WWOX: variants seen among roughly 807,000 people sequenced by gnomAD.
The protein encoded by WWOX is WW domain-containing oxidoreductase.
In WWOX, 69 loss-of-function variants were observed where a neutral mutation model predicts 46.2. The observed-to-expected ratio is 1.49, with a 90% CI of 1.23 to 1.82. WWOX has a LOEUF of 1.82. Among genes scored for constraint, WWOX ranks in the 40% most tolerant of loss-of-function variants. WWOX has a pLI of 0.00. For synonymous variants in WWOX, 359 were observed against 202.6 expected, an observed-to-expected ratio of 1.77 and a Z score of -6.56; for missense variants, 919 against 542.6, an observed-to-expected ratio of 1.69 and a Z score of -6.89.
intron 8 of WWOX, among the ~76,000 whole-genome samples, chr16:78,457,972 G>A (rs2083862341): frequency 6.7e-6 from 1 of 150,068 alleles, no homozygotes; most frequent in African/African-American, 2.5e-5. Context: ...CAGCTATCCA[G>A]AGGCTGAGGC....
chr16:78,432,640 G>C lies in WWOX; in HGVS notation c.944G>C (p.Gly315Ala), dbSNP rs530883793. 1.2e-6 allele frequency: 2 copies of C among 1,614,170 alleles called. No homozygotes were observed. The highest frequency in any genetic ancestry group is 1.7e-6 in the Non-Finnish European group (2 of 1,180,046). Residue 315 changes from glycine (G) to alanine (A), a missense_variant, in exon 8 of 9, where the codon GGG (glycine) becomes GCG (alanine). Gly to Ala is a moderately conservative substitution (Grantham distance 60). Transcript: ENST00000566780. ...CTGCACCGTCGCCTCTCCCCACGCG[G>C]GGTCACGTCGAACGCAGTGCATCCT... The part of the protein sequence containing the change: ...NELHRRLSPR[G>A]VTSNAVHPGN...
chr16:78,287,403 A>C (rs2079786754), intron 5 of WWOX, among the ~76,000 whole-genome samples: 1 of 152,176 alleles, frequency 6.6e-6, no homozygotes. Flanking sequence ...GAGTTTTGGC[A>C]AATAGAAAAT....
At chr16:78,486,096 G>T (rs1004937689) in intron 8 of WWOX, among the ~76,000 whole-genome samples, 12 of 152,154 alleles carry the variant, frequency 7.9e-5, no homozygotes, top group Non-Finnish European at 1.3e-4. Context: ...TATGTGAGGG[G>T]GTGTGTGGTG....
chr16:79,166,912 A>T (rs963401895), intron 8 of WWOX, among the ~76,000 whole-genome samples: 3 of 151,952 alleles, frequency 2.0e-5, no homozygotes, highest in African/African-American at 7.3e-5. Context: ...AGTATACAAC[A>T]CTCGGTAAAT....
intron 5 of WWOX, among the ~76,000 whole-genome samples, chr16:78,178,728 T>G (rs2035430865): frequency 6.6e-6 from 1 of 152,004 alleles, no homozygotes; most frequent in South Asian, 2.1e-4. Flanking sequence ...GCCAGTTGTC[T>G]TGGCGCATGG....
intron 8 of WWOX, among the ~76,000 whole-genome samples, chr16:78,721,216 C>G (rs995381210): frequency 2.0e-5 from 3 of 150,422 alleles, no homozygotes; most frequent in Admixed American, 6.7e-5. Context: ...TCTACAGTAT[C>G]TTTAATTGAT....
At position 79,191,386 on chromosome 16, in the gene WWOX, ACCG is replaced by A. The variant is rs2051133651; in HGVS notation, c.1057-20221_1057-20219del. On this transcript the variant is annotated intron_variant, in intron 8 of 8. Coordinates refer to ENST00000566780, the MANE Select transcript of WWOX (RefSeq NM_016373.4). ...CTTCTCTTTATGGGAGAGAAAGGCC[ACCG>A]AGATAGTAAGTGGACATCAGGACAT... Among the ~76,000 whole-genome samples, 5 of 152,184 alleles carry A rather than the reference ACCG, an allele frequency of 3.3e-5. No homozygotes were observed. The South Asian group carries it at 1.0e-3, about 32-fold the overall frequency.
rs77323415 is a variant in WWOX at position 78,181,971 on chromosome 16, G to T, written c.516+17682G>T. Among the ~76,000 whole-genome samples the T allele has an allele frequency of 5.1e-3, 772 of 152,200 alleles. 6 individuals are homozygous for T. The highest frequency in any genetic ancestry group is 0.018 in the African/African-American group (737 of 41,520). Reference sequence around the variant, plus strand: ...TTTAGCCTCCGCGAGTTCCTTTTCCGCACCAGGCTCCACTTACGAAGGACT... The same window carrying T: ...TTTAGCCTCCGCGAGTTCCTTTTCCTCACCAGGCTCCACTTACGAAGGACT... On this transcript the variant is annotated intron_variant, in intron 5 of 8. Transcript: ENST00000566780.
At chr16:79,131,921 A>T (rs2049886208) in intron 8 of WWOX, among the ~76,000 whole-genome samples, 1 of 152,178 alleles carries the variant, frequency 6.6e-6, no homozygotes, top group African/African-American at 2.4e-5. Context: ...GAGCTTGTTC[A>T]GGGAAACCCC....
At chr16:78,455,778 G>T (rs79469797) in intron 8 of WWOX, among the ~76,000 whole-genome samples, 1 of 144,872 alleles carries the variant, frequency 6.9e-6, no homozygotes, top group African/African-American at 2.8e-5. Flanking sequence ...ATGATGCCTG[G>T]GGGAGGTGAA....
intron 8 of WWOX, among the ~76,000 whole-genome samples, chr16:78,712,213 A>G (rs1055233385): frequency 2.6e-5 from 4 of 152,116 alleles, no homozygotes; most frequent in African/African-American, 9.6e-5. Flanking sequence ...ACAAAATGCT[A>G]TATGCATTGG....
At chr16:79,153,314 T>C (rs902806211) in intron 8 of WWOX, among the ~76,000 whole-genome samples, 4 of 152,030 alleles carry the variant, frequency 2.6e-5, no homozygotes, top group African/African-American at 9.7e-5. Context: ...TTCTGGAGGG[T>C]CTAGAGTCAC....
At chr16:78,883,418 T>C (rs964745987) in intron 8 of WWOX, among the ~76,000 whole-genome samples, 1 of 152,140 alleles carries the variant, frequency 6.6e-6, no homozygotes, top group South Asian at 2.1e-4. Flanking sequence ...AATAGTAACA[T>C]ACCATTTTCA....
intron 8 of WWOX, among the ~76,000 whole-genome samples, chr16:78,463,101 G>A (rs959103917): frequency 9.2e-5 from 14 of 152,112 alleles, no homozygotes; most frequent in Non-Finnish European, 1.9e-4. Flanking sequence ...TGTCAGATCC[G>A]TATCCCACTG....
intron 8 of WWOX, among the ~76,000 whole-genome samples, chr16:78,816,606 C>T (rs1321080161): frequency 7.4e-6 from 1 of 134,342 alleles, no homozygotes; most frequent in Non-Finnish European, 1.5e-5. Flanking sequence ...CTTTTGGGTA[C>T]TGAGTTGTAA....
chr16:78,176,430 A>C (rs1424693922), intron 5 of WWOX, among the ~76,000 whole-genome samples: 1 of 152,198 alleles, frequency 6.6e-6, no homozygotes, highest in Non-Finnish European at 1.5e-5. Flanking sequence ...AGTGTGAATG[A>C]AGAGCACAGT....
At chr16:78,771,964 T>C (rs1027593288) in intron 8 of WWOX, among the ~76,000 whole-genome samples, 7 of 152,160 alleles carry the variant, frequency 4.6e-5, no homozygotes, top group African/African-American at 1.7e-4. Flanking sequence ...GATACTTCCC[T>C]CTCAGTGTAT....
chr16:79,004,564 C>G (rs139561960), intron 8 of WWOX: 1 of 152,232 alleles, frequency 6.6e-6, no homozygotes, highest in Non-Finnish European at 1.5e-5. Flanking sequence ...GTCAGCATTG[C>G]GATCCCTTCA....
intron 8 of WWOX, among the ~76,000 whole-genome samples, chr16:78,808,894 C>T (rs2051112990): frequency 6.6e-6 from 1 of 152,084 alleles, no homozygotes; most frequent in Non-Finnish European, 1.5e-5. Flanking sequence ...CTTGGTGGAG[C>T]CATCTAAATT....
Sources: gnomAD v4.1 joint callset for allele counts (sites outside exome capture counted in the v4.1 genomes callset) on GRCh38, gnomAD v4.1.1 for gene constraint, MANE v1.5 for transcripts, NCBI Gene and HGNC (gene_info 2026-07-23, HGNC 2026-07-21) for gene names.